Variants in MEGF11 observed in about 807,000 individuals in gnomAD.
MEGF11 encodes the protein multiple epidermal growth factor-like domains protein 11.
MEGF11 carries 126 observed loss-of-function variants against 146.6 expected under a neutral mutation model. That is an observed-to-expected ratio of 0.86 (90% CI 0.74 to 1.00). MEGF11 has a LOEUF of 1.00. MEGF11 is among the 50% of genes least tolerant of loss of function. The probability of loss-of-function intolerance (pLI) is 0.00; values close to 1 mark genes in which losing one functional copy is unlikely to be tolerated. For synonymous variants in MEGF11, 532 were observed against 583.4 expected (o/e 0.91, Z 1.27); for missense variants, 1,509 against 1,521.2 (o/e 0.99, Z 0.13).
chr15:66,032,214 TC>T (rs1274095489), intron 5 of MEGF11, among the ~76,000 whole-genome samples: 2 of 152,222 alleles, frequency 1.3e-5, no homozygotes, highest in Non-Finnish European at 2.9e-5. Context: ...CTCTTGAACT[TC>T]CCAGCCTCCA....
chr15:65,911,535 G>T (rs983188173), intron 21 of MEGF11, among the ~76,000 whole-genome samples: 3 of 152,044 alleles, frequency 2.0e-5, no homozygotes, highest in Non-Finnish European at 2.9e-5. Flanking sequence ...CCTCAGCCTC[G>T]CAAGTAGCTG....
intron 1 of MEGF11, among the ~76,000 whole-genome samples, chr15:66,142,054 C>T (rs932754365): frequency 7.2e-5 from 11 of 152,228 alleles, no homozygotes; most frequent in South Asian, 2.1e-4. Context: ...GATCCCCCTG[C>T]GCCTCCCCTA....
At chr15:66,022,744 C>G (rs897950337) in intron 5 of MEGF11, among the ~76,000 whole-genome samples, 13 of 150,656 alleles carry the variant, frequency 8.6e-5, no homozygotes, top group African/African-American at 3.2e-4. Context: ...GTGGGAGCAT[C>G]ACTTGAGCCT....
At chr15:66,059,846 T>A (rs146658632) in intron 5 of MEGF11, among the ~76,000 whole-genome samples, 1 of 152,224 alleles carries the variant, frequency 6.6e-6, no homozygotes, top group East Asian at 1.9e-4. Flanking sequence ...TTTATTTACC[T>A]AATTATAGTA....
chr15:66,159,580 G>C (rs986765215), intron 1 of MEGF11, among the ~76,000 whole-genome samples: 2 of 152,170 alleles, frequency 1.3e-5, no homozygotes, highest in Admixed American at 6.5e-5. Context: ...AGCCACAGAA[G>C]GACACTCAGT....
chr15:65,911,501 T>C (rs1287960297), intron 21 of MEGF11, among the ~76,000 whole-genome samples: 1 of 152,170 alleles, frequency 6.6e-6, no homozygotes, highest in Non-Finnish European at 1.5e-5. Flanking sequence ...AGCCTCCACC[T>C]CCTGGGTTCA....
Position 66,051,229 on chromosome 15 carries a change from G to A in MEGF11, c.394+43173C>T, listed in dbSNP as rs1218812113. Reference sequence around the variant, plus strand: ...ATGAAGAAACTGAGGCCTCAGCTGGGGGAGCAGAGAGGAAGTACAGGGAGT... The same window carrying A: ...ATGAAGAAACTGAGGCCTCAGCTGGAGGAGCAGAGAGGAAGTACAGGGAGT... On this transcript the variant is annotated intron_variant, in intron 5 of 25. Transcript: ENST00000395614. 3.9e-5 allele frequency among the ~76,000 whole-genome samples: 6 copies of A among 152,204 alleles called. No individual in the cohort carries two copies. In the East Asian group the frequency reaches 1.2e-3, roughly 29 times the overall value.
chr15:65,901,926 G>T (rs966419723), intron 24 of MEGF11: 1 of 151,344 alleles, frequency 6.6e-6, no homozygotes, highest in Non-Finnish European at 1.5e-5. Context: ...AAATAGTTTA[G>T]TCAGGACTCA....
intron 1 of MEGF11, among the ~76,000 whole-genome samples, chr15:66,188,746 G>A (rs1252627750): frequency 1.3e-5 from 2 of 152,186 alleles, no homozygotes; most frequent in African/African-American, 2.4e-5. Context: ...ACAGCCATCT[G>A]GTGTTTTCCC....
chr15:65,916,565 A>G (rs1251143666), intron 17 of MEGF11: 2 of 694,840 alleles, frequency 2.9e-6, no homozygotes, highest in Non-Finnish European at 4.9e-6. Flanking sequence ...CCACTGTCCA[A>G]GGAAGGTCTG....
At chr15:66,228,459 G>C (rs951901227) in intron 1 of MEGF11, among the ~76,000 whole-genome samples, 4 of 152,072 alleles carry the variant, frequency 2.6e-5, no homozygotes, top group African/African-American at 9.7e-5. Context: ...TGGGGAGAGG[G>C]GGTGCCCATG....
chr15:66,168,912 C>T (rs1186545379), intron 1 of MEGF11, among the ~76,000 whole-genome samples: 4 of 152,182 alleles, frequency 2.6e-5, no homozygotes, highest in African/African-American at 9.6e-5. Flanking sequence ...TGCTTGAACC[C>T]GGGAGGTGGA....
At chr15:66,127,845 T>C (rs1231031998) in intron 2 of MEGF11, among the ~76,000 whole-genome samples, 2 of 139,290 alleles carry the variant, frequency 1.4e-5, no homozygotes, top group Admixed American at 7.1e-5. Context: ...TGGGACCCCC[T>C]CACCCGTCCT....
chr15:66,010,600 A>G (rs1425967623), intron 5 of MEGF11, among the ~76,000 whole-genome samples: 1 of 152,218 alleles, frequency 6.6e-6, no homozygotes, highest in Admixed American at 6.5e-5. Flanking sequence ...GCTCTATTGA[A>G]TAGAGTGCAG....
intron 8 of MEGF11, chr15:65,966,954 A>G (rs1441889385): frequency 6.6e-6 from 1 of 151,898 alleles, no homozygotes; most frequent in Non-Finnish European, 1.5e-5. Context: ...AATAGGGGTA[A>G]AAGAGGGGGA....
At chr15:66,160,647 G>A (rs1476550520) in intron 1 of MEGF11, among the ~76,000 whole-genome samples, 1 of 144,472 alleles carries the variant, frequency 6.9e-6, no homozygotes, top group Non-Finnish European at 1.5e-5. Flanking sequence ...GCCAGGCACT[G>A]CTCTAGGCCC....
At chr15:66,018,602 C>T (rs773261214) in intron 5 of MEGF11, among the ~76,000 whole-genome samples, 28 of 152,120 alleles carry the variant, frequency 1.8e-4, no homozygotes, top group Non-Finnish European at 2.9e-4. Flanking sequence ...AGAGGGTGTG[C>T]GTGTGCAAGC....
At chr15:66,135,132 C>T (rs1258205205) in intron 1 of MEGF11, among the ~76,000 whole-genome samples, 1 of 152,118 alleles carries the variant, frequency 6.6e-6, no homozygotes, top group Non-Finnish European at 1.5e-5. Flanking sequence ...CGTGGTTGGC[C>T]CAAGGTCTGG....
intron 9 of MEGF11, among the ~76,000 whole-genome samples, chr15:65,964,306 GC>G (rs1443622619): frequency 6.6e-6 from 1 of 152,230 alleles, no homozygotes; most frequent in Admixed American, 6.5e-5. Flanking sequence ...TGGGGGAGGG[GC>G]TGGCCCCAAG....
Sources: gnomAD v4.1 joint callset for allele counts (sites outside exome capture counted in the v4.1 genomes callset) on GRCh38, gnomAD v4.1.1 for gene constraint, MANE v1.5 for transcripts, NCBI Gene and HGNC (gene_info 2026-07-23, HGNC 2026-07-21) for gene names.